SUGT1: variants seen among roughly 807,000 people sequenced by gnomAD.
SUGT1 encodes the protein protein SGT1 homolog.
A neutral mutation model predicts 56.1 loss-of-function variants in SUGT1; 15 were observed. That is an observed-to-expected ratio of 0.27 (90% CI 0.18 to 0.41). The LOEUF is 0.41. Ranked by LOEUF, SUGT1 falls within the 10% of genes least tolerant of loss-of-function variation. The probability of loss-of-function intolerance (pLI) is 1.00; values close to 1 mark genes in which losing one functional copy is unlikely to be tolerated. For missense variants in SUGT1, 347 were observed against 382.2 expected, an observed-to-expected ratio of 0.91 and a Z score of 0.77; for synonymous variants, 123 against 128.6, an observed-to-expected ratio of 0.96 and a Z score of 0.30.
At position 52,692,761 on chromosome 13, in the gene SUGT1, C is replaced by T. The variant is rs1963819020; in HGVS notation, c.*4926C>T. The T allele has an allele frequency of 2.6e-5, 4 of 152,198 alleles. No homozygotes were observed. The highest frequency in any genetic ancestry group is 6.5e-5 in the Admixed American group (1 of 15,278). 9.4% of individuals were successfully genotyped at this position (152,198 alleles called of 1,614,324 possible). On this transcript the variant is annotated 3_prime_UTR_variant, in exon 13 of 13. Transcript: ENST00000310528. ...GAAGATAAATTCCTAGAGATCCTCA[C>T]TTTCTTAAGTAGGAAAGCTTATTAG...
intron 10 of SUGT1, among the ~76,000 whole-genome samples, chr13:52,675,901 C>A (rs991636536): frequency 6.6e-6 from 1 of 152,120 alleles, no homozygotes; most frequent in African/African-American, 2.4e-5. Flanking sequence ...TGACAACCCA[C>A]AATGTCTCCA....
intron 9 of SUGT1, among the ~76,000 whole-genome samples, 180 bp from the exon 10 acceptor site, chr13:52,666,632 G>C (rs1441524339): frequency 2.0e-5 from 3 of 151,878 alleles, no homozygotes; most frequent in African/African-American, 7.2e-5. Flanking sequence ...AAGGATACCA[G>C]ATGGAAAAAA....
intron 7 of SUGT1, 112 bp downstream of exon 7, chr13:52,663,224 T>A: frequency 9.4e-7 from 1 of 1,064,554 alleles, no homozygotes; most frequent in Non-Finnish European, 1.4e-6. Context: ...ATTAAGCAAT[T>A]CCATTTAAGT....
chr13:52,669,329 C>G (rs1009378383), intron 10 of SUGT1, among the ~76,000 whole-genome samples: 1 of 152,152 alleles, frequency 6.6e-6, no homozygotes, highest in South Asian at 2.1e-4. Context: ...AAATATGTTT[C>G]ATGCTATAAT....
intron 10 of SUGT1, among the ~76,000 whole-genome samples, chr13:52,667,176 GT>G (rs573846244): frequency 1.1e-4 from 17 of 152,056 alleles, no homozygotes; most frequent in African/African-American, 4.1e-4. Context: ...CAATAAAGGG[GT>G]TTTTTTAAAA....
intron 5 of SUGT1, among the ~76,000 whole-genome samples, chr13:52,660,353 G>T (rs1962385608): frequency 6.6e-6 from 1 of 152,080 alleles, no homozygotes; most frequent in Non-Finnish European, 1.5e-5. Flanking sequence ...ATGGTGGATG[G>T]GGGTTGTGCT....
At chr13:52,662,540 C>CGATGG in intron 5 of SUGT1, 109 bp from the exon 6 acceptor site, 3 of 1,041,476 alleles carry the variant, frequency 2.9e-6, no homozygotes, top group Admixed American at 2.1e-5. Context: ...TCGCTGCCGA[C>CGATGG]TCCCCAGTGC....
chr13:52,659,827 T>TCA (rs1962352398), intron 5 of SUGT1, among the ~76,000 whole-genome samples: 1 of 58,118 alleles, frequency 1.7e-5, no homozygotes, highest in African/African-American at 9.6e-5. Flanking sequence ...TTTTTTTTTT[T>TCA]TTTTTTTTTT....
chr13:52,658,448 C>T lies in SUGT1; in HGVS notation c.237C>T (p.Ser79=). 6.2e-7 allele frequency: 1 copy of T among 1,613,098 alleles called. No individual in the cohort carries two copies. Among genetic ancestry groups the T allele is most frequent in the Non-Finnish European group, 8.5e-7 (1 of 1,179,704 alleles). ...CTCTAGAACTCAATCCAAATAATTC[C>T]ACTGCTATGCTGAGAAAAGGGTATG... is the stretch of plus-strand genomic sequence containing the variant. ...KKSLELNPNN[S]TAMLRKGICE... is the part of the protein sequence containing the mutation. Residue 79 remains serine (S), a synonymous_variant, in exon 4 of 13, where the codon TCC becomes TCT. Transcript: ENST00000310528.
chr13:52,681,810 G>A (rs539694256), intron 12 of SUGT1, among the ~76,000 whole-genome samples: 119 of 147,028 alleles, frequency 8.1e-4, no homozygotes, highest in African/African-American at 2.9e-3. Context: ...ACTTAGCTTG[G>A]GCAGCAAAGT....
In SUGT1 at chr13:52,696,548, CAT is replaced by C. The variant is rs1433613662; in HGVS notation, c.*8715_*8716del. 6.6e-6 allele frequency: 1 copy of C among 152,098 alleles called. No homozygotes were observed. The highest frequency in any genetic ancestry group is 2.4e-5 in the African/African-American group (1 of 41,388). 9.4% of individuals were successfully genotyped at this position (152,098 alleles called of 1,614,324 possible). ...ATATTGGAAGTTACTCATCCCAAAC[CAT>C]AGTGTTTAAAATTGGGGTTTTTTAA... is the stretch of plus-strand genomic sequence containing the variant. On this transcript the variant is annotated 3_prime_UTR_variant, in exon 13 of 13. Transcript: ENST00000310528.
At position 52,695,094 on chromosome 13, in the gene SUGT1, G is replaced by C. The variant is rs1963889850; in HGVS notation, c.*7259G>C. The C allele has an allele frequency of 6.6e-6, 1 of 152,156 alleles. No homozygotes were observed. Among genetic ancestry groups the C allele is most frequent in the Non-Finnish European group, 1.5e-5 (1 of 68,026 alleles). The allele number at this position is 152,156 out of a possible 1,614,324, so 9.4% of individuals were successfully genotyped here. ...GTGTAGACATTAATATGGGCTCACTGTCAGCTGGGAGTTCTCACAACTACC... is the reference window on the plus strand; with the variant it reads ...GTGTAGACATTAATATGGGCTCACTCTCAGCTGGGAGTTCTCACAACTACC... On this transcript the variant is annotated 3_prime_UTR_variant, in exon 13 of 13. Coordinates refer to ENST00000310528, the MANE Select transcript of SUGT1 (RefSeq NM_006704.5).
intron 12 of SUGT1, chr13:52,687,516 C>G: frequency 3.6e-6 from 1 of 276,638 alleles, no homozygotes; most frequent in East Asian, 6.1e-5. Flanking sequence ...ACTTGTTAAC[C>G]TCTGGAATGC....
chr13:52,674,174 C>A (rs1259065254), intron 10 of SUGT1, among the ~76,000 whole-genome samples: 4 of 149,980 alleles, frequency 2.7e-5, no homozygotes, highest in African/African-American at 9.8e-5. Flanking sequence ...GTCTCAGACT[C>A]CCGAGTAGCT....
chr13:52,672,013 A>T (rs1299478228), intron 10 of SUGT1, among the ~76,000 whole-genome samples: 1 of 152,224 alleles, frequency 6.6e-6, no homozygotes, highest in Non-Finnish European at 1.5e-5. Context: ...GTAAGATGAT[A>T]TATGTGAAGC....
intron 10 of SUGT1, among the ~76,000 whole-genome samples, chr13:52,675,844 G>T (rs1157159433): frequency 1.3e-5 from 2 of 152,112 alleles, no homozygotes; most frequent in African/African-American, 4.8e-5. Context: ...AGCAACCGTG[G>T]TCTCTACTCA....
intron 11 of SUGT1, among the ~76,000 whole-genome samples, chr13:52,676,970 G>C (rs537714134): frequency 6.6e-6 from 1 of 152,302 alleles, no homozygotes; most frequent in South Asian, 2.1e-4. Flanking sequence ...AGCACACTCA[G>C]AACTACAACC....
intron 5 of SUGT1, 82 bp downstream of exon 5, chr13:52,659,331 C>A: frequency 1.2e-6 from 1 of 855,594 alleles, no homozygotes; most frequent in Non-Finnish European, 1.7e-6. Context: ...ATGTTAATTT[C>A]AAGTTAATTG....
chr13:52,655,012 A>G (rs1962093022), intron 2 of SUGT1, among the ~76,000 whole-genome samples: 2 of 152,200 alleles, frequency 1.3e-5, no homozygotes, highest in South Asian at 2.1e-4. Flanking sequence ...TTTTTAATGT[A>G]TGGCTCTTGG....
Sources: gnomAD v4.1 joint callset for allele counts (sites outside exome capture counted in the v4.1 genomes callset) on GRCh38, gnomAD v4.1.1 for gene constraint, MANE v1.5 for transcripts, NCBI Gene and HGNC (gene_info 2026-07-23, HGNC 2026-07-21) for gene names.